The following RHCE variants were observed in gnomAD, a reference collection of about 807,000 sequenced individuals.
RHCE encodes the protein blood group Rh(CE) polypeptide.
RHCE carries 22 observed loss-of-function variants against 43.8 expected under a neutral mutation model. The observed-to-expected ratio is 0.50, with a 90% CI of 0.36 to 0.72. The LOEUF (loss-of-function observed/expected upper bound fraction) is 0.72, where lower values mean the gene tolerates loss of function less well. Among genes scored for constraint, RHCE ranks in the 30% least tolerant of loss-of-function variants. The probability of loss-of-function intolerance (pLI) is 0.00; values close to 1 mark genes in which losing one functional copy is unlikely to be tolerated. For synonymous variants in RHCE, 156 were observed against 210.7 expected, an observed-to-expected ratio of 0.74 and a Z score of 2.25; for missense variants, 385 against 525.4, an observed-to-expected ratio of 0.73 and a Z score of 2.61.
At chr1:25,384,232 G>A (rs1431952578) in intron 7 of RHCE, among the ~76,000 whole-genome samples, 1 of 151,400 alleles carries the variant, frequency 6.6e-6, no homozygotes, top group Non-Finnish European at 1.5e-5. Flanking sequence ...TAGCCACACA[G>A]TGTTACTAAC....
intron 3 of RHCE, among the ~76,000 whole-genome samples, chr1:25,393,914 G>A (rs577420585): frequency 5.9e-5 from 9 of 152,252 alleles, no homozygotes; most frequent in South Asian, 2.1e-4. Context: ...GCAAGCAATC[G>A]GGGTGCCTTG....
At chr1:25,408,209 C>A (rs1166558986) in intron 2 of RHCE, among the ~76,000 whole-genome samples, 1 of 121,188 alleles carries the variant, frequency 8.3e-6, no homozygotes, top group Non-Finnish European at 1.9e-5. Flanking sequence ...ATCGCTTGAA[C>A]CCAGAAGGCT....
intron 1 of RHCE, among the ~76,000 whole-genome samples, chr1:25,413,209 T>A (rs1386525232): frequency 6.6e-6 from 1 of 152,100 alleles, no homozygotes; most frequent in East Asian, 1.9e-4. Context: ...AGGGCAGCAG[T>A]TTCCATGAGC....
intron 1 of RHCE, among the ~76,000 whole-genome samples, chr1:25,413,142 C>G (rs904131344): frequency 2.0e-5 from 3 of 152,138 alleles, no homozygotes; most frequent in Admixed American, 1.3e-4. Context: ...CCTTCCTCCC[C>G]AAGGCTCTAC....
At position 25,385,762 on chromosome 1, in the gene RHCE, A is replaced by C; in HGVS notation, c.1022T>G (p.Ile341Ser). Residue 341 changes from isoleucine to serine, a missense_variant, in exon 7 of 10, where the codon ATC becomes AGC. Transcript: ENST00000294413. ...AAGCACCAGCAGCACAATGTAGGTG[A>C]TCTCTCCAAGCAGACCCAGCAAGCT... ...IFSLLGLLGE[I>S]TYIVLLVLHT... 1 of 1,613,900 alleles carries C rather than the reference A, an allele frequency of 6.2e-7. No individual in the cohort carries two copies. Among genetic ancestry groups the C allele is most frequent in the Non-Finnish European group, 8.5e-7 (1 of 1,180,016 alleles).
chr1:25,368,868 C>T (rs2124292086), intron 9 of RHCE, among the ~76,000 whole-genome samples: 1 of 151,922 alleles, frequency 6.6e-6, no homozygotes, highest in East Asian at 1.9e-4. Context: ...TCAAGTGATT[C>T]TCCTGCCTCA....
chr1:25,402,194 GTCTGTCTGTCTGTCTATCTA>G (rs1367969072), intron 3 of RHCE, among the ~76,000 whole-genome samples: 25 of 136,808 alleles, frequency 1.8e-4, no homozygotes, highest in African/African-American at 6.4e-4. Flanking sequence ...CTGTCTGTCT[GTCTGTCTGTCTGTCTATCTA>G]TCTATCTATC....
At chr1:25,394,155 A>G (rs1162906815) in intron 3 of RHCE, among the ~76,000 whole-genome samples, 1 of 151,838 alleles carries the variant, frequency 6.6e-6, no homozygotes, top group African/African-American at 2.4e-5. Context: ...TGCCCGGCTA[A>G]TTTTTGTATT....
At chr1:25,430,188 G>C (rs1483576509) in exon 1 of RHCE, 3 of 151,990 alleles carry the variant, frequency 2.0e-5, no homozygotes, top group African/African-American at 7.2e-5. Context: ...ACACGCCCCG[G>C]GCATCTCTGC....
chr1:25,420,585 C>T (rs2042741052), intron 1 of RHCE, 54 bp downstream of exon 1: 2 of 1,613,858 alleles, frequency 1.2e-6, no homozygotes, highest in Non-Finnish European at 1.7e-6. Context: ...TAGGCCTCCC[C>T]CGCCCCTGCC....
At chr1:25,422,829 A>G (rs1241952021), upstream of RHCE, among the ~76,000 whole-genome samples, 1 of 152,208 alleles carries the variant, frequency 6.6e-6, no homozygotes, top group Non-Finnish European at 1.5e-5. Context: ...ACCTCAGATC[A>G]TCAGGCATTA....
chr1:25,387,001 A>C (rs575183394), intron 6 of RHCE, among the ~76,000 whole-genome samples: 8 of 152,348 alleles, frequency 5.3e-5, no homozygotes, highest in African/African-American at 1.9e-4. Flanking sequence ...ACTGCACTCC[A>C]GCCTGGGTGA....
intron 3 of RHCE, among the ~76,000 whole-genome samples, chr1:25,394,781 C>T (rs2375320): frequency 4.7e-4 from 72 of 152,254 alleles, no homozygotes; most frequent in African/African-American, 8.7e-4. Context: ...AGCGGGCTTG[C>T]GTTTTTCATC....
intron 5 of RHCE, among the ~76,000 whole-genome samples, chr1:25,390,107 C>A (rs1399351659): frequency 6.6e-6 from 1 of 152,132 alleles, no homozygotes; most frequent in African/African-American, 2.4e-5. Flanking sequence ...CCAGCTGGAC[C>A]CCCTGCCCCC....
At chr1:25,377,704 C>T (rs1457687467) in intron 7 of RHCE, among the ~76,000 whole-genome samples, 1 of 152,096 alleles carries the variant, frequency 6.6e-6, no homozygotes, top group African/African-American at 2.4e-5. Flanking sequence ...ATCAGCCTGG[C>T]CAACATGGCA....
rs1337462301 is a variant in RHCE at position 25,420,528 on chromosome 1, T to C, written c.148+111A>G. ...CTACGGAAGAAGATGGGGGAATCTT[T>C]TCCTCGGGATTTTGTAGAAAGGAAC... On this transcript the variant is annotated intron_variant, in intron 1 of 9. Coordinates refer to ENST00000294413, the MANE Select transcript of RHCE (RefSeq NM_020485.8). The C allele has an allele frequency of 2.5e-6, 4 of 1,605,306 alleles. No homozygotes were observed. In the Admixed American group the frequency reaches 6.7e-5, roughly 27 times the overall value.
intron 9 of RHCE, among the ~76,000 whole-genome samples, 197 bp downstream of exon 9, chr1:25,370,270 C>T (rs1487499068): frequency 1.3e-5 from 2 of 151,508 alleles, no homozygotes; most frequent in East Asian, 3.9e-4. Context: ...AAATGGTGAC[C>T]TTTACCACCT....
rs1647003831 is a variant in RHCE at position 25,409,342 on chromosome 1, A to C, written c.149-473T>G. ...AGGACACACAGAAAAGAGAGGGCAG[A>C]GATAGGCCCAGTGCTCTTGTTGTTG... On this transcript the variant is annotated intron_variant, in intron 1 of 9. Coordinates refer to ENST00000294413, the MANE Select transcript of RHCE (RefSeq NM_020485.8). Among the ~76,000 whole-genome samples the C allele has an allele frequency of 1.6e-5, 2 of 124,024 alleles. 1 individual carries two copies. The highest frequency in any genetic ancestry group is 5.0e-5 in the African/African-American group (2 of 39,648). The allele number at this position is 124,024 out of a possible 152,430, so 81.4% of individuals were successfully genotyped here.
At chr1:25,373,892 C>T (rs1020135514) in intron 8 of RHCE, among the ~76,000 whole-genome samples, 1 of 150,182 alleles carries the variant, frequency 6.7e-6, no homozygotes, top group Non-Finnish European at 1.5e-5. Flanking sequence ...GCAACCTTGG[C>T]TCACTATAAC....
Sources: gnomAD v4.1 joint callset for allele counts (sites outside exome capture counted in the v4.1 genomes callset) on GRCh38, gnomAD v4.1.1 for gene constraint, MANE v1.5 for transcripts, NCBI Gene and HGNC (gene_info 2026-07-23, HGNC 2026-07-21) for gene names.